Variants in PCDHA9 observed in about 807,000 individuals in gnomAD.
The protein encoded by PCDHA9 is protocadherin alpha 9, also known as protocadherin alpha-9.
PCDHA9 carries 62 observed loss-of-function variants against 62.0 expected under a neutral mutation model. That is an observed-to-expected ratio of 1.00 (90% CI 0.81 to 1.23). PCDHA9 has a LOEUF of 1.23. Ranked by LOEUF, PCDHA9 falls within the 50% of genes most tolerant of loss-of-function variation. The pLI is 0.00. For missense variants in PCDHA9, 1,205 were observed against 1,249.8 expected, an observed-to-expected ratio of 0.96 and a Z score of 0.54; for synonymous variants, 557 against 567.6, an observed-to-expected ratio of 0.98 and a Z score of 0.27.
At chr5:140,856,713 C>T in intron 1 of PCDHA9, 1 of 1,596,470 alleles carries the variant, frequency 6.3e-7, no homozygotes, top group Non-Finnish European at 8.6e-7. Context: ...CCTGAATTTA[C>T]CGGATCTGTT....
chr5:140,926,797 T>C (rs2153584735), intron 1 of PCDHA9: 2 of 1,450,476 alleles, frequency 1.4e-6, no homozygotes, highest in Admixed American at 2.7e-5. Flanking sequence ...AGGAGCGTGC[T>C]CTTCCCCGCG....
chr5:140,949,409 A>G (rs547419161), intron 1 of PCDHA9, among the ~76,000 whole-genome samples: 1 of 151,896 alleles, frequency 6.6e-6, no homozygotes, highest in African/African-American at 2.4e-5. Flanking sequence ...AAAATCACCT[A>G]TCATCATTGT....
rs1236174883 is a variant in PCDHA9 at position 140,948,633 on chromosome 5, C to T, written c.2395-30316C>T. Among the ~76,000 whole-genome samples the T allele has an allele frequency of 2.6e-5, 4 of 151,768 alleles. No individual in the cohort carries two copies. The East Asian group carries it at 7.7e-4, about 29-fold the overall frequency. ...GGCACAAAGTTGTTAATAATATTCTCTCATCTTTTAACGTCTGTATAATCT... is the reference window on the plus strand; with the variant it reads ...GGCACAAAGTTGTTAATAATATTCTTTCATCTTTTAACGTCTGTATAATCT... On this transcript the variant is annotated intron_variant, in intron 1 of 3. Transcript: ENST00000532602.
chr5:140,895,136 A>G (rs781801401), intron 1 of PCDHA9, among the ~76,000 whole-genome samples: 43 of 152,306 alleles, frequency 2.8e-4, no homozygotes, highest in Non-Finnish European at 5.6e-4. Context: ...ACAAGTTCAT[A>G]GGGCTAAGAC....
intron 3 of PCDHA9, among the ~76,000 whole-genome samples, chr5:140,991,900 A>G (rs137964856): frequency 9.8e-4 from 149 of 152,250 alleles, no homozygotes; most frequent in African/African-American, 3.0e-3. Context: ...TTAACACAAA[A>G]TCCCTTTTGC....
chr5:140,869,135 C>T, intron 1 of PCDHA9: 1 of 1,613,026 alleles, frequency 6.2e-7, no homozygotes. Flanking sequence ...GGATTGGGCA[C>T]CCCACGACTA....
chr5:140,962,050 A>AT (rs1207278188), intron 1 of PCDHA9, among the ~76,000 whole-genome samples: 3 of 151,684 alleles, frequency 2.0e-5, no homozygotes, highest in African/African-American at 7.3e-5. Context: ...TGCCTGGCTA[A>AT]TTTTTTTGTA....
At position 140,851,423 on chromosome 5, in the gene PCDHA9, A is replaced by T. The variant is rs967768563; in HGVS notation, c.2394+534A>T. 1.1e-5 allele frequency: 10 copies of T among 949,488 alleles called. 1 individual carries two copies. Among genetic ancestry groups the T allele is most frequent in the Non-Finnish European group, 1.3e-5 (10 of 784,130 alleles). 58.8% of individuals were successfully genotyped at this position (949,488 alleles called of 1,614,324 possible). On this transcript the variant is annotated intron_variant, in intron 1 of 3. Coordinates refer to ENST00000532602, the MANE Select transcript of PCDHA9 (RefSeq NM_031857.2). ...TTAATAAGAAAGAAACTTCCCCTAA[A>T]CTTTAGAAAACAGTTGCTCCACTTT...
chr5:140,998,746 A>C (rs1473770059), intron 3 of PCDHA9, among the ~76,000 whole-genome samples: 2 of 151,954 alleles, frequency 1.3e-5, no homozygotes, highest in Non-Finnish European at 2.9e-5. Context: ...GTATTTTTAG[A>C]AGAGACACAG....
chr5:140,950,086 T>G (rs1178086288), intron 1 of PCDHA9, among the ~76,000 whole-genome samples: 1 of 151,946 alleles, frequency 6.6e-6, no homozygotes, highest in Non-Finnish European at 1.5e-5. Flanking sequence ...TATGCTATAG[T>G]TTTCATTTGT....
At chr5:140,948,752 C>T (rs246047) in intron 1 of PCDHA9, among the ~76,000 whole-genome samples, 85,413 of 151,184 alleles carry the variant, frequency 0.56, 24,715 homozygotes, top group African/African-American at 0.69. Context: ...ATCAATTTTG[C>T]TGATTTTTTT....
chr5:140,979,088 A>G, intron 2 of PCDHA9, 81 bp downstream of exon 2: 1 of 1,559,594 alleles, frequency 6.4e-7, no homozygotes, highest in Non-Finnish European at 8.7e-7. Flanking sequence ...ATAGGCCAGA[A>G]GCAGCTGTCA....
intron 1 of PCDHA9, among the ~76,000 whole-genome samples, chr5:140,925,108 G>GGAAGGAAGGAA (rs1554202548): frequency 1.6e-5 from 2 of 124,702 alleles, no homozygotes; most frequent in African/African-American, 3.3e-5. Flanking sequence ...GAAGGAAGGA[G>GGAAGGAAGGAA]GGAAGGAAGG....
chr5:140,879,659 C>T (rs782370828), intron 1 of PCDHA9, among the ~76,000 whole-genome samples: 4 of 152,142 alleles, frequency 2.6e-5, no homozygotes, highest in East Asian at 3.8e-4. Flanking sequence ...CTATAACAAA[C>T]GAACACAAAC....
intron 1 of PCDHA9, chr5:140,870,906 C>T (rs201710263): frequency 1.2e-6 from 2 of 1,613,948 alleles, no homozygotes; most frequent in African/African-American, 2.7e-5. Flanking sequence ...CGGACTCAGG[C>T]TACAACGCGT....
chr5:140,869,878 A>T, intron 1 of PCDHA9: 1 of 1,610,122 alleles, frequency 6.2e-7, no homozygotes, highest in Non-Finnish European at 8.5e-7. Flanking sequence ...TGCTAAAGAA[A>T]CTCTTGTGCT....
intron 1 of PCDHA9, chr5:140,870,624 G>T (rs1554164487): frequency 1.2e-6 from 2 of 1,613,112 alleles, no homozygotes; most frequent in South Asian, 2.2e-5. Flanking sequence ...CGAGCTACGT[G>T]TCGGTGCACG....
chr5:140,946,353 A>C (rs2093933429), intron 1 of PCDHA9, among the ~76,000 whole-genome samples: 1 of 151,910 alleles, frequency 6.6e-6, no homozygotes, highest in Admixed American at 6.6e-5. Context: ...GAGGATGTGG[A>C]GAAAAGGGAA....
At chr5:140,952,993 C>G (rs1273513255) in intron 1 of PCDHA9, among the ~76,000 whole-genome samples, 1 of 152,106 alleles carries the variant, frequency 6.6e-6, no homozygotes, top group Non-Finnish European at 1.5e-5. Flanking sequence ...CTCATGAGAA[C>G]TCTCTCACTA....
Sources: gnomAD v4.1 joint callset for allele counts (sites outside exome capture counted in the v4.1 genomes callset) on GRCh38, gnomAD v4.1.1 for gene constraint, MANE v1.5 for transcripts, NCBI Gene and HGNC (gene_info 2026-07-23, HGNC 2026-07-21) for gene names.